The following FRMD3 variants were observed in gnomAD, a reference collection of about 807,000 sequenced individuals.
FRMD3 encodes the protein FERM domain-containing protein 3.
FRMD3 carries 33 observed loss-of-function variants against 70.2 expected under a neutral mutation model. That is an observed-to-expected ratio of 0.47 (90% confidence interval 0.36 to 0.63). The LOEUF (loss-of-function observed/expected upper bound fraction) is 0.63, where lower values mean the gene tolerates loss of function less well. Ranked by LOEUF, FRMD3 falls within the 20% of genes least tolerant of loss-of-function variation. The probability of loss-of-function intolerance (pLI) is 0.00; values close to 1 mark genes in which losing one functional copy is unlikely to be tolerated. For missense variants in FRMD3, 632 were observed against 711.4 expected, an observed-to-expected ratio of 0.89 and a Z score of 1.27; for synonymous variants, 279 against 255.9, an observed-to-expected ratio of 1.09 and a Z score of -0.86.
intron 13 of FRMD3, among the ~76,000 whole-genome samples, chr9:83,250,881 G>A (rs1002319227): frequency 6.6e-6 from 1 of 152,180 alleles, no homozygotes; most frequent in Non-Finnish European, 1.5e-5. Context: ...GAGCTCCCAG[G>A]GGAAGGGGCA....
At position 83,381,412 on chromosome 9, in the gene FRMD3, C is replaced by T. The variant is rs542074236; in HGVS notation, c.252+8192G>A. Reference sequence around the variant, plus strand: ...TCTACTAAAGATACAAAAAATTAGCCGGGTGTGGTGGCACACGCCTGTATT... The same window carrying T: ...TCTACTAAAGATACAAAAAATTAGCTGGGTGTGGTGGCACACGCCTGTATT... On this transcript the variant is annotated intron_variant, in intron 2 of 13. Transcript: ENST00000304195. 4.2e-3 allele frequency among the ~76,000 whole-genome samples: 640 copies of T among 152,004 alleles called. 3 individuals carry two copies. The highest frequency in any genetic ancestry group is 0.017 in the Middle Eastern group (5 of 294).
At chr9:83,543,644 G>A in the FRMD3 span, among the ~76,000 whole-genome samples, 1 of 152,210 alleles carries the variant, frequency 6.6e-6, no homozygotes, top group Non-Finnish European at 1.5e-5. Context: ...GCTGGACCCA[G>A]GAGAGCTGAG....
In FRMD3 at chr9:83,329,193, C is replaced by T. The variant is rs140150812; in HGVS notation, c.596+6323G>A. On this transcript the variant is annotated intron_variant, in intron 6 of 13. Transcript: ENST00000304195. ...ATTTTTACAGTGAACGCATTTGATC[C>T]CAAATCATCCCATCTTCCCCCTTCC... Among the ~76,000 whole-genome samples, 169 of 152,258 alleles carry T rather than the reference C, an allele frequency of 1.1e-3. 1 individual carries two copies. Among genetic ancestry groups the T allele is most frequent in the African/African-American group, 3.9e-3 (163 of 41,550 alleles).
the FRMD3 span, among the ~76,000 whole-genome samples, chr9:83,558,379 G>A: frequency 6.6e-5 from 10 of 152,268 alleles, no homozygotes; most frequent in East Asian, 3.9e-4. Flanking sequence ...GAAGTAAAGT[G>A]AAAATGGTTC....
chr9:83,299,277 G>T, intron 10 of FRMD3, 91 bp from the exon 11 acceptor site: 2 of 732,180 alleles, frequency 2.7e-6, no homozygotes, highest in Non-Finnish European at 4.7e-6. Flanking sequence ...TATTTTTACT[G>T]CAAGAAAGAA....
the FRMD3 span, among the ~76,000 whole-genome samples, chr9:83,555,916 G>A: frequency 7.6e-3 from 1,156 of 152,268 alleles, 15 homozygotes; most frequent in African/African-American, 0.026. Flanking sequence ...TCCCGGGATC[G>A]GTCATTCACT....
intron 1 of FRMD3, among the ~76,000 whole-genome samples, chr9:83,461,143 C>A (rs1827959074): frequency 6.6e-6 from 1 of 152,158 alleles, no homozygotes; most frequent in Non-Finnish European, 1.5e-5. Context: ...GTTACTAACC[C>A]AATTACCATG....
chr9:83,282,354 C>G (rs1362869248), intron 13 of FRMD3, among the ~76,000 whole-genome samples: 1 of 152,162 alleles, frequency 6.6e-6, no homozygotes, highest in East Asian at 1.9e-4. Context: ...TTATCATCGT[C>G]TAAAACGTAA....
At position 83,397,248 on chromosome 9, in the gene FRMD3, G is replaced by A. The variant is rs142740074; in HGVS notation, c.148-7540C>T. ...GAACTCTGCAGTCCACCACATTTCC[G>A]CCTTCCCTGTTGTCTTCCGCTTCTT... On this transcript the variant is annotated intron_variant, in intron 1 of 13. Coordinates refer to ENST00000304195, the MANE Select transcript of FRMD3 (RefSeq NM_174938.6). 3.6e-4 allele frequency among the ~76,000 whole-genome samples: 55 copies of A among 152,252 alleles called. No homozygotes were observed. In the East Asian group the frequency reaches 9.1e-3, roughly 25 times the overall value.
intron 1 of FRMD3, among the ~76,000 whole-genome samples, chr9:83,522,601 T>C (rs1479820106): frequency 6.7e-6 from 1 of 149,528 alleles, no homozygotes; most frequent in Non-Finnish European, 1.5e-5. Context: ...TCTTGTTCTG[T>C]CGCCTAGGCT....
intron 6 of FRMD3, among the ~76,000 whole-genome samples, chr9:83,328,949 T>C (rs1172248177): frequency 1.3e-5 from 2 of 152,236 alleles, no homozygotes; most frequent in African/African-American, 4.8e-5. Flanking sequence ...AGACAATGTA[T>C]TAAGTAATGG....
At chr9:83,374,569 A>G (rs1825084377) in intron 2 of FRMD3, among the ~76,000 whole-genome samples, 1 of 152,182 alleles carries the variant, frequency 6.6e-6, no homozygotes, top group African/African-American at 2.4e-5. Flanking sequence ...CCAGTTATAA[A>G]CCTTGTACAA....
At chr9:83,365,184 G>A (rs55825433) in intron 3 of FRMD3, among the ~76,000 whole-genome samples, 18,312 of 152,090 alleles carry the variant, frequency 0.12, 1,346 homozygotes, top group African/African-American at 0.19. Context: ...GTTAAATGCC[G>A]TAAAGAATCT....
chr9:83,580,375 T>C, the FRMD3 span, among the ~76,000 whole-genome samples: 3 of 152,114 alleles, frequency 2.0e-5, no homozygotes, highest in Non-Finnish European at 4.4e-5. Context: ...CTGTGTTCAC[T>C]AACAGATAAA....
intron 13 of FRMD3, chr9:83,267,087 T>C (rs1285576994): frequency 6.4e-7 from 1 of 1,550,836 alleles, no homozygotes; most frequent in Admixed American, 2.0e-5. Context: ...TGGTTCACCA[T>C]GTGCAATTGG....
chr9:83,386,846 A>G (rs546869534), intron 2 of FRMD3, among the ~76,000 whole-genome samples: 2 of 152,168 alleles, frequency 1.3e-5, no homozygotes, highest in Non-Finnish European at 2.9e-5. Context: ...AAGGTCAGTT[A>G]TTTTGGAGAA....
chr9:83,325,412 G>A (rs527536410), intron 6 of FRMD3, among the ~76,000 whole-genome samples: 127 of 152,002 alleles, frequency 8.4e-4, no homozygotes, highest in African/African-American at 2.3e-3. Context: ...CTGCAGCCTC[G>A]ACCTCCCAGA....
intron 3 of FRMD3, 113 bp downstream of exon 3, chr9:83,372,800 C>G (rs958842579): frequency 1.3e-5 from 12 of 946,222 alleles, no homozygotes; most frequent in Non-Finnish European, 1.7e-5. Context: ...GCCCCCACAC[C>G]CCCCAACACC....
intron 1 of FRMD3, among the ~76,000 whole-genome samples, chr9:83,408,415 C>T (rs1234070769): frequency 1.3e-5 from 2 of 152,094 alleles, no homozygotes; most frequent in Non-Finnish European, 2.9e-5. Flanking sequence ...GTCCTAAGAA[C>T]CCCCACTGGG....
Sources: allele counts gnomAD v4.1 joint callset (sites outside exome capture counted in the v4.1 genomes callset), GRCh38; gene constraint gnomAD v4.1.1; transcripts MANE v1.5; gene names NCBI Gene and HGNC (gene_info 2026-07-23, HGNC 2026-07-21).